ANKRD18B: variants seen among roughly 807,000 people sequenced by gnomAD.
ANKRD18B encodes ankyrin repeat domain 18B.
In ANKRD18B, 75 loss-of-function variants were observed where a neutral mutation model predicts 111.8. The ratio of observed to expected loss-of-function variants is 0.67; its 90% CI spans 0.56 to 0.81. ANKRD18B has a LOEUF of 0.81. Among genes scored for constraint, ANKRD18B ranks in the 40% least tolerant of loss-of-function variants. ANKRD18B has a pLI of 0.00. For synonymous variants in ANKRD18B, 356 were observed against 417.3 expected (o/e 0.85, Z 1.79); for missense variants, 1,038 against 1,225.5 (o/e 0.85, Z 2.28).
chr9:33,532,098 G>A (rs951561144), intron 3 of ANKRD18B, among the ~76,000 whole-genome samples: 2 of 152,090 alleles, frequency 1.3e-5, no homozygotes, highest in Admixed American at 1.3e-4. Context: ...GCCAGGTGTG[G>A]TGGCAGGTGC....
At chr9:33,534,825 CTTT>C (rs374951470) in intron 5 of ANKRD18B, among the ~76,000 whole-genome samples, 2 of 123,262 alleles carry the variant, frequency 1.6e-5, no homozygotes, top group Non-Finnish European at 3.3e-5. Flanking sequence ...TTCTTTCTTC[CTTT>C]TTTTTTTTTT....
intron 1 of ANKRD18B, among the ~76,000 whole-genome samples, chr9:33,525,543 C>T (rs1361223043): frequency 1.3e-5 from 2 of 151,984 alleles, no homozygotes; most frequent in Admixed American, 1.3e-4. Flanking sequence ...GAAATTTTTA[C>T]ATATGCAAAA....
At chr9:33,543,949 C>T (rs1828319884) in intron 10 of ANKRD18B, among the ~76,000 whole-genome samples, 1 of 152,190 alleles carries the variant, frequency 6.6e-6, no homozygotes, top group African/African-American at 2.4e-5. Flanking sequence ...ATAACACTAT[C>T]ATATTACAGT....
chr9:33,525,262 G>A (rs1828010676), intron 1 of ANKRD18B, among the ~76,000 whole-genome samples: 1 of 152,190 alleles, frequency 6.6e-6, no homozygotes, highest in African/African-American at 2.4e-5. Flanking sequence ...TTATGATGGA[G>A]TGAAAAACGA....
chr9:33,536,897 G>A lies in ANKRD18B; in HGVS notation c.760G>A (p.Glu254Lys). ...DLRSIQQQIL[E>K]HKNKMLKNHL... Reference sequence around the variant, plus strand: ...GCATAGCATCCAACAACAAATTTTGGAACATAAAAATAAGATGCTTAAAAA... The same window carrying A: ...GCATAGCATCCAACAACAAATTTTGAAACATAAAAATAAGATGCTTAAAAA... Residue 254 changes from glutamate (E) to lysine (K), a missense_variant, in exon 6 of 19, where the codon GAA becomes AAA. By Grantham distance (56) the Glu-to-Lys change is moderately conservative (BLOSUM62 1). This residue lies in a region of ANKRD18B where 93 missense variants were observed against 141.3 expected (regional missense o/e 0.66). Coordinates refer to ENST00000684830, the MANE Select transcript of ANKRD18B (RefSeq NM_001393611.1). The A allele has an allele frequency of 1.3e-6, 2 of 1,493,896 alleles. No homozygotes were observed. Among genetic ancestry groups the A allele is most frequent in the East Asian group, 2.6e-5 (1 of 38,676 alleles). 92.5% of individuals were successfully genotyped at this position (1,493,896 alleles called of 1,614,324 possible). A position where few individuals can be genotyped will look rare whatever the true frequency, so the allele number is the denominator to read the frequency against.
In ANKRD18B at chr9:33,533,546, G is replaced by T. The variant is rs1263027542; in HGVS notation, c.602+1G>T. On this transcript the variant is annotated splice_donor_variant, in intron 4 of 18. Coordinates refer to ENST00000684830, the MANE Select transcript of ANKRD18B (RefSeq NM_001393611.1). LOFTEE classifies it high-confidence loss of function. ...TACATGCCGTTGACAATTTCAAAAG[G>T]TGCAATAGTTTTTGTTTTCTGTTTT... 2.0e-6 allele frequency: 3 copies of T among 1,528,478 alleles called. No individual in the cohort carries two copies. Among genetic ancestry groups the T allele is most frequent in the South Asian group, 2.5e-5 (2 of 78,870 alleles). 94.7% of individuals were successfully genotyped at this position (1,528,478 alleles called of 1,614,324 possible).
chr9:33,573,028 C>G, downstream of ANKRD18B: 1 of 474,696 alleles, frequency 2.1e-6, no homozygotes, highest in East Asian at 5.2e-5. Context: ...TCTGGTGCTC[C>G]AGTTCCCAAA....
chr9:33,566,214 T>G lies in ANKRD18B; in HGVS notation c.2461-5T>G. ...TTATCAAGCTCTATTATTTTATTAA[T>G]GCAGTTTGATGATCTTATGGCCGAG... is the stretch of plus-strand genomic sequence containing the variant. On this transcript the variant is annotated splice_region_variant and splice_polypyrimidine_tract_variant and intron_variant, in intron 14 of 18. Transcript: ENST00000684830. 1 of 1,548,004 alleles carries G rather than the reference T, an allele frequency of 6.5e-7. No individual in the cohort carries two copies.
intron 1 of ANKRD18B, among the ~76,000 whole-genome samples, chr9:33,527,425 G>C (rs182896471): frequency 6.6e-6 from 1 of 152,070 alleles, no homozygotes; most frequent in Admixed American, 6.6e-5. Context: ...AGGTTCAAGC[G>C]ATTATCCTGC....
chr9:33,524,689 A>G lies in ANKRD18B; in HGVS notation c.200A>G (p.Lys67Arg). The G allele has an allele frequency of 1.3e-6, 2 of 1,549,736 alleles. No homozygotes were observed. Among genetic ancestry groups the G allele is most frequent in the South Asian group, 1.2e-5 (1 of 83,954 alleles). ...CGGGACTTGGACGTCCGCGACAGAA[A>G]AGACAGGTAGCGGGGGCTCAGCCCT... ...RFRDLDVRDR[K>R]DRTVLHLACA... Residue 67 changes from lysine (K) to arginine (R), a missense_variant, in exon 1 of 19, where the codon AAA (lysine) becomes AGA (arginine). By Grantham distance (26) the Lys-to-Arg change is conservative (BLOSUM62 2). Transcript: ENST00000684830.
chr9:33,544,992 C>T (rs752255452), intron 10 of ANKRD18B, among the ~76,000 whole-genome samples: 3 of 152,146 alleles, frequency 2.0e-5, no homozygotes, highest in Non-Finnish European at 4.4e-5. Context: ...TGAATCCTAT[C>T]CCTGATGGTG....
At chr9:33,568,164 T>C (rs948429505) in intron 16 of ANKRD18B, among the ~76,000 whole-genome samples, 20 of 152,270 alleles carry the variant, frequency 1.3e-4, no homozygotes, top group African/African-American at 4.8e-4. Flanking sequence ...ACTGGTTTAC[T>C]AAACACAAGT....
At chr9:33,553,633 G>A (rs2380777) in intron 12 of ANKRD18B, among the ~76,000 whole-genome samples, 1 of 152,154 alleles carries the variant, frequency 6.6e-6, no homozygotes, top group African/African-American at 2.4e-5. Flanking sequence ...TACTTGACTG[G>A]AGCTTCCCAA....
At chr9:33,531,548 C>T (rs561534130) in intron 3 of ANKRD18B, among the ~76,000 whole-genome samples, 81 of 150,132 alleles carry the variant, frequency 5.4e-4, no homozygotes, top group South Asian at 2.3e-3. Flanking sequence ...TGGTCTGCTG[C>T]GCAGAGGTTG....
rs2044208634 is a variant in ANKRD18B, at chr9:33,555,563, C to G, written c.2218-145C>G. On this transcript the variant is annotated intron_variant, in intron 12 of 18. Transcript: ENST00000684830. ...TTAAGAAAATGACTAGTTTTGAAAT[C>G]TCATTATTGGCATCAGGTTTGTAAA... 5.9e-6 allele frequency: 3 copies of G among 509,950 alleles called. No homozygotes were observed. In the Admixed American group the frequency reaches 1.4e-4, roughly 23 times the overall value. The allele number at this position is 509,950 out of a possible 1,614,324, so 31.6% of individuals were successfully genotyped here. A position where few individuals can be genotyped will look rare whatever the true frequency, so the allele number is the denominator to read the frequency against.
At chr9:33,566,124 T>C in intron 14 of ANKRD18B, 95 bp from the exon 15 acceptor site, 1 of 1,080,902 alleles carries the variant, frequency 9.3e-7, no homozygotes, top group South Asian at 1.5e-5. Context: ...TAACATTTTA[T>C]TGCAAGTGGA....
intron 8 of ANKRD18B, 65 bp downstream of exon 8, chr9:33,540,277 T>C (rs1828259816): frequency 6.6e-6 from 1 of 152,334 alleles, no homozygotes; most frequent in Non-Finnish European, 1.5e-5. Context: ...CTCAGTCTCT[T>C]GACCTCGTGA....
intron 13 of ANKRD18B, 74 bp downstream of exon 13, chr9:33,555,894 T>G: frequency 2.0e-6 from 2 of 997,148 alleles, no homozygotes; most frequent in East Asian, 3.2e-5. Flanking sequence ...TGACTAAAAC[T>G]TTGATACAAA....
downstream of ANKRD18B, among the ~76,000 whole-genome samples, chr9:33,573,801 A>T (rs1828819937): frequency 6.9e-6 from 1 of 145,054 alleles, no homozygotes; most frequent in South Asian, 2.3e-4. Context: ...AGCCATCAGG[A>T]CCTGGCCAGT....
Sources: gnomAD v4.1 joint callset for allele counts (sites outside exome capture counted in the v4.1 genomes callset) on GRCh38, gnomAD v4.1.1 for gene constraint, gnomAD v4.1.1 regional missense constraint, MANE v1.5 for transcripts, NCBI Gene and HGNC (gene_info 2026-07-23, HGNC 2026-07-21) for gene names.